ERC1: variants seen among roughly 807,000 people sequenced by gnomAD.
ERC1 encodes ELKS/RAB6-interacting/CAST family member 1, also known as RAB6 interacting protein 2.
A neutral mutation model predicts 132.0 loss-of-function variants in ERC1; 56 were observed. The observed-to-expected ratio is 0.42, with a 90% confidence interval of 0.34 to 0.53. The LOEUF (loss-of-function observed/expected upper bound fraction) is 0.53, where lower values mean the gene tolerates loss of function less well. Ranked by LOEUF, ERC1 falls within the 20% of genes least tolerant of loss-of-function variation. The pLI is 0.03. For synonymous variants in ERC1, 478 were observed against 476.1 expected (o/e 1.00, Z -0.05); for missense variants, 1,202 against 1,349.9 (o/e 0.89, Z 1.72).
intron 2 of ERC1, among the ~76,000 whole-genome samples, chr12:1,030,312 T>A (rs1967773856): frequency 6.6e-6 from 1 of 152,192 alleles, no homozygotes; most frequent in Non-Finnish European, 1.5e-5. Flanking sequence ...TAAATGATAC[T>A]AAGAAGTAAA....
chr12:1,412,861 T>C (rs971808411), intron 17 of ERC1, among the ~76,000 whole-genome samples: 3 of 152,200 alleles, frequency 2.0e-5, no homozygotes, highest in Non-Finnish European at 4.4e-5. Flanking sequence ...CTTAGATCCG[T>C]CTCCAGGAAA....
chr12:1,335,754 G>A (rs958081957), intron 15 of ERC1, among the ~76,000 whole-genome samples: 1 of 152,136 alleles, frequency 6.6e-6, no homozygotes, highest in African/African-American at 2.4e-5. Flanking sequence ...TAGTTGGGGA[G>A]GAGTCCCTCC....
chr12:1,157,248 G>A (rs553154114), intron 8 of ERC1, among the ~76,000 whole-genome samples: 5 of 152,144 alleles, frequency 3.3e-5, no homozygotes, highest in African/African-American at 7.2e-5. Context: ...GGCTACAGCC[G>A]CACACACCAC....
intron 14 of ERC1, among the ~76,000 whole-genome samples, chr12:1,268,196 C>T (rs1328841299): frequency 6.6e-6 from 1 of 152,148 alleles, no homozygotes; most frequent in African/African-American, 2.4e-5. Context: ...TTCTTATTGC[C>T]TTTTTTACTT....
chr12:1,316,618 C>G (rs891080231), intron 15 of ERC1, among the ~76,000 whole-genome samples: 1 of 152,132 alleles, frequency 6.6e-6, no homozygotes, highest in Non-Finnish European at 1.5e-5. Context: ...AATAGGAACG[C>G]TTTTATACTG....
intron 15 of ERC1, among the ~76,000 whole-genome samples, chr12:1,351,420 C>T (rs1186246137): frequency 6.6e-6 from 1 of 152,212 alleles, no homozygotes; most frequent in Non-Finnish European, 1.5e-5. Flanking sequence ...TTTGCGTTCC[C>T]ACCAGCGGTG....
At chr12:1,316,245 T>A (rs893810072) in intron 15 of ERC1, among the ~76,000 whole-genome samples, 51 of 152,186 alleles carry the variant, frequency 3.4e-4, no homozygotes, top group Non-Finnish European at 7.2e-4. Context: ...GTGAACACTA[T>A]TAAATATATG....
chr12:1,066,293 A>G (rs1195167483), intron 2 of ERC1, among the ~76,000 whole-genome samples: 1 of 152,198 alleles, frequency 6.6e-6, no homozygotes, highest in Non-Finnish European at 1.5e-5. Flanking sequence ...TGGAGCCTTC[A>G]CATATATTGA....
chr12:1,325,055 G>A (rs927286260), intron 15 of ERC1, among the ~76,000 whole-genome samples: 8 of 151,746 alleles, frequency 5.3e-5, no homozygotes, highest in African/African-American at 1.9e-4. Flanking sequence ...TCAACTGTTT[G>A]TAGAAAAAAA....
chr12:1,247,477 A>G (rs2076225280), intron 13 of ERC1, among the ~76,000 whole-genome samples: 1 of 152,210 alleles, frequency 6.6e-6, no homozygotes, highest in Non-Finnish European at 1.5e-5. Flanking sequence ...AATTCAGAAT[A>G]AAAGTTTTAT....
At chr12:1,405,922 C>T (rs2091458140) in intron 16 of ERC1, among the ~76,000 whole-genome samples, 1 of 151,862 alleles carries the variant, frequency 6.6e-6, no homozygotes, top group Non-Finnish European at 1.5e-5. Context: ...TTTCTAAAAC[C>T]AACAAATAAA....
chr12:1,000,421 G>T (rs901463830), intron 1 of ERC1, among the ~76,000 whole-genome samples: 1 of 151,784 alleles, frequency 6.6e-6, no homozygotes, highest in Non-Finnish European at 1.5e-5. Flanking sequence ...TGGAGGCGGA[G>T]GTTGCAGTGA....
In ERC1 at chr12:1,460,958, C is replaced by CTTTTTTTT. The variant is rs35505633; in HGVS notation, c.3213+16224_3213+16231dup. 2.9e-3 allele frequency among the ~76,000 whole-genome samples: 188 copies of CTTTTTTTT among 64,906 alleles called. 8 individuals are homozygous for CTTTTTTTT. Among genetic ancestry groups the CTTTTTTTT allele is most frequent in the African/African-American group, 5.0e-3 (83 of 16,482 alleles). 42.6% of individuals were successfully genotyped at this position (64,906 alleles called of 152,430 possible). ...GACTTGCCTAAACGATGAGGAGGCC[C>CTTTTTTTT]TTTTTTTTTTTTTTTTTTTTTTTCA... On this transcript the variant is annotated intron_variant, in intron 18 of 18. Transcript: ENST00000360905.
intron 8 of ERC1, among the ~76,000 whole-genome samples, chr12:1,161,334 G>C (rs973202301): frequency 6.6e-6 from 1 of 152,170 alleles, no homozygotes; most frequent in Non-Finnish European, 1.5e-5. Flanking sequence ...GGGCATCTAA[G>C]CCTGGAGAGT....
At position 1,490,984 on chromosome 12, in the gene ERC1, A is replaced by G. The variant is rs1487991526; in HGVS notation, c.*754A>G. The G allele has an allele frequency of 8.2e-5, 19 of 232,766 alleles. No individual in the cohort carries two copies. Among genetic ancestry groups the G allele is most frequent in the Non-Finnish European group, 1.4e-4 (16 of 117,818 alleles). The allele number at this position is 232,766 out of a possible 1,614,324, so 14.4% of individuals were successfully genotyped here. On this transcript the variant is annotated 3_prime_UTR_variant, in exon 19 of 19. Transcript: ENST00000360905. ...TCTCCTGTTTGAGACTGTTGACGTT[A>G]TCATACTGAGGTGTTAGATCAAATA...
intron 13 of ERC1, among the ~76,000 whole-genome samples, chr12:1,239,433 A>G (rs1359445680): frequency 6.6e-6 from 1 of 152,164 alleles, no homozygotes; most frequent in Non-Finnish European, 1.5e-5. Flanking sequence ...ACAACAACAT[A>G]ATGAAGAAAT....
chr12:1,266,389 GTCTTTTTTTTTTT>G (rs2077480740), intron 14 of ERC1, among the ~76,000 whole-genome samples: 1 of 60,392 alleles, frequency 1.7e-5, no homozygotes, highest in South Asian at 5.0e-4. Context: ...ATCGTTTCCT[GTCTTTTTTTTTTT>G]TTTTTTTTTT....
At chr12:1,418,603 CTTTCTTTCTTTCTT>C (rs368276182) in intron 17 of ERC1, among the ~76,000 whole-genome samples, 966 of 77,530 alleles carry the variant, frequency 0.012, 18 homozygotes, top group Middle Eastern at 0.049. Flanking sequence ...TTCTTTCTTT[CTTTCTTTCTTTCTT>C]TCTTTCTTTC....
intron 7 of ERC1, among the ~76,000 whole-genome samples, chr12:1,137,100 C>CTTTTTTTTTTTTTTTTTTTTTTTTT (rs944757047): frequency 3.3e-5 from 4 of 122,898 alleles, no homozygotes; most frequent in African/African-American, 9.2e-5. Context: ...TTTTTCTTTT[C>CTTTTTTTTTTTTTTTTTTTTTTTTT]TTTTTTTTTT....
Sources: allele counts gnomAD v4.1 joint callset (sites outside exome capture counted in the v4.1 genomes callset), GRCh38; gene constraint gnomAD v4.1.1; transcripts MANE v1.5; gene names NCBI Gene and HGNC (gene_info 2026-07-23, HGNC 2026-07-21).